Variants in TMT1A observed in about 807,000 individuals in gnomAD.
The protein encoded by TMT1A is thiol methyltransferase 1A.
At chr12:50,925,652 A>T in the TMT1A span, 1 of 1,234,984 alleles carries the variant, frequency 8.1e-7, no homozygotes, top group Non-Finnish European at 1.1e-6. Flanking sequence ...ACTAGAAAAT[A>T]CTGTAGAATT....
At chr12:50,925,187 AGAT>A in the TMT1A span, 10 of 1,614,220 alleles carry the variant, frequency 6.2e-6, no homozygotes, top group Non-Finnish European at 8.5e-6. Flanking sequence ...TACAACGAAC[AGAT>A]GGCAAGCAAG....
At chr12:50,928,891 C>T in the TMT1A span, among the ~76,000 whole-genome samples, 1 of 152,110 alleles carries the variant, frequency 6.6e-6, no homozygotes, top group Admixed American at 6.6e-5. Context: ...GCAACACTGA[C>T]CTCCCCAAAC....
chr12:50,925,605 T>A, the TMT1A span: 1 of 1,498,852 alleles, frequency 6.7e-7, no homozygotes, highest in Non-Finnish European at 8.9e-7. Context: ...CCTGTCAATT[T>A]CAGGTGGCTG....
the TMT1A span, among the ~76,000 whole-genome samples, chr12:50,927,345 T>C: frequency 1.2e-4 from 19 of 152,178 alleles, no homozygotes; most frequent in Non-Finnish European, 2.6e-4. Flanking sequence ...TATTTTCTAA[T>C]AGAGGAAGTT....
At chr12:50,930,043 A>G in the TMT1A span, 2 of 1,614,140 alleles carry the variant, frequency 1.2e-6, no homozygotes, top group Non-Finnish European at 1.7e-6. Flanking sequence ...AGAGAGCTGG[A>G]AGGCCCTGGA....
chr12:50,930,845 G>C, the TMT1A span: 872 of 152,370 alleles, frequency 5.7e-3, 5 homozygotes, highest in South Asian at 0.021. Context: ...GCCTCCCAAA[G>C]TGCTGTGATT....
At chr12:50,930,055 C>T in the TMT1A span, 16 of 1,614,036 alleles carry the variant, frequency 9.9e-6, no homozygotes, top group Non-Finnish European at 9.3e-6. Context: ...GGCCCTGGAG[C>T]GGGCCAGCTT....
chr12:50,929,277 T>A, the TMT1A span, among the ~76,000 whole-genome samples: 1 of 152,128 alleles, frequency 6.6e-6, no homozygotes, highest in Non-Finnish European at 1.5e-5. Flanking sequence ...ATTCCAATTT[T>A]TCTATTCGTA....
At chr12:50,932,351 T>G in the TMT1A span, 1 of 152,238 alleles carries the variant, frequency 6.6e-6, no homozygotes. Context: ...CAAGTGCCTC[T>G]GAAAGCGAGT....
the TMT1A span, chr12:50,931,705 C>T: frequency 1.5e-5 from 2 of 137,342 alleles, no homozygotes; most frequent in Non-Finnish European, 3.1e-5. Flanking sequence ...GAGCAAGACT[C>T]CGTCTCAAAA....
the TMT1A span, among the ~76,000 whole-genome samples, chr12:50,926,766 G>A: frequency 1.2e-4 from 18 of 152,292 alleles, no homozygotes; most frequent in Admixed American, 5.9e-4. Flanking sequence ...ATAAGTTAAT[G>A]GGAATGACAG....
chr12:50,925,194 A>G, the TMT1A span: 1 of 1,614,180 alleles, frequency 6.2e-7, no homozygotes, highest in South Asian at 1.1e-5. Context: ...AACAGATGGC[A>G]AGCAAGAAGC....
the TMT1A span, chr12:50,929,825 C>A: frequency 8.4e-7 from 1 of 1,193,332 alleles, no homozygotes; most frequent in Admixed American, 2.1e-5. Flanking sequence ...GTTTGCAAGG[C>A]AGTGCCAGAG....
the TMT1A span, chr12:50,931,090 CTTT>C: frequency 9.1e-3 from 1,255 of 137,182 alleles, 17 homozygotes; most frequent in African/African-American, 0.023. Flanking sequence ...TTTCCAATTG[CTTT>C]TTTTTTTTTT....
chr12:50,926,140 G>A, the TMT1A span, among the ~76,000 whole-genome samples: 26 of 150,922 alleles, frequency 1.7e-4, no homozygotes, highest in Middle Eastern at 6.9e-3. Flanking sequence ...GATAGACAAA[G>A]GGTTAACTTC....
chr12:50,928,430 C>T, the TMT1A span, among the ~76,000 whole-genome samples: 1 of 152,130 alleles, frequency 6.6e-6, no homozygotes, highest in Non-Finnish European at 1.5e-5. Context: ...TGCTGGTTGC[C>T]CCCTTCGCAA....
At chr12:50,926,016 C>CAAAAAAAAAAAAAAAAAA in the TMT1A span, among the ~76,000 whole-genome samples, 5 of 26,056 alleles carry the variant, frequency 1.9e-4, no homozygotes, top group Admixed American at 4.9e-4. Flanking sequence ...AACTCCATCT[C>CAAAAAAAAAAAAAAAAAA]AAAAAAAAAA....
the TMT1A span, chr12:50,929,884 GAAAT>G: frequency 6.5e-7 from 1 of 1,543,832 alleles, no homozygotes; most frequent in African/African-American, 1.4e-5. Flanking sequence ...AAAAATCCTT[GAAAT>G]GTTTTTTTTT....
the TMT1A span, chr12:50,930,274 GTTTT>G: frequency 4.6e-4 from 238 of 521,292 alleles, no homozygotes; most frequent in Admixed American, 6.3e-4. Context: ...TTTGTTGTTG[GTTTT>G]TTTTTTTTTT....
Sources: gnomAD v4.1 joint callset for allele counts (sites outside exome capture counted in the v4.1 genomes callset) on GRCh38, gnomAD v4.1.1 for gene constraint, MANE v1.5 for transcripts, NCBI Gene and HGNC (gene_info 2026-07-23, HGNC 2026-07-21) for gene names.